Variants in PLOD2 observed in about 807,000 individuals in gnomAD.
PLOD2 encodes procollagen-lysine,2-oxoglutarate 5-dioxygenase 2, also known as lysine hydroxylase 2.
Under a neutral mutation model 101.0 loss-of-function variants are expected in PLOD2, and 65 were observed. The observed-to-expected ratio is 0.64, with a 90% CI of 0.53 to 0.79. The LOEUF is 0.79. Among genes scored for constraint, PLOD2 ranks in the 30% least tolerant of loss-of-function variants. PLOD2 has a pLI of 0.00. For missense variants in PLOD2, 909 were observed against 914.6 expected, an observed-to-expected ratio of 0.99 and a Z score of 0.08; for synonymous variants, 314 against 302.9, an observed-to-expected ratio of 1.04 and a Z score of -0.38.
In PLOD2 at chr3:146,094,026, G is replaced by A. The variant is rs960326000; in HGVS notation, c.778-2125C>T. Among the ~76,000 whole-genome samples, 4 of 152,236 alleles carry A rather than the reference G, an allele frequency of 2.6e-5. No individual in the cohort carries two copies. The South Asian group carries it at 8.3e-4, about 32-fold the overall frequency. On this transcript the variant is annotated intron_variant, in intron 7 of 19. Coordinates refer to ENST00000282903, the MANE Select transcript of PLOD2 (RefSeq NM_182943.3). ...CCATCACCACCCCCCATTTACATCT[G>A]TTTTCCTCATGAAAACTAGAGACAT...
chr3:146,088,809 G>C, intron 8 of PLOD2, 98 bp from the exon 9 acceptor site: 1 of 1,022,052 alleles, frequency 9.8e-7, no homozygotes, highest in East Asian at 2.6e-5. Flanking sequence ...AAAAATACTA[G>C]AATATCAATT....
chr3:146,130,705 T>C (rs2030859034), intron 1 of PLOD2, among the ~76,000 whole-genome samples: 1 of 152,222 alleles, frequency 6.6e-6, no homozygotes, highest in South Asian at 2.1e-4. Context: ...CAAAGTCACC[T>C]AACAAATTAC....
intron 11 of PLOD2, among the ~76,000 whole-genome samples, chr3:146,083,569 GTCTTTT>G (rs1379946036): frequency 1.2e-5 from 1 of 83,730 alleles, no homozygotes; most frequent in Non-Finnish European, 2.4e-5. Flanking sequence ...TGGCAGGTAA[GTCTTTT>G]TCTTTTTTTT....
intron 7 of PLOD2, among the ~76,000 whole-genome samples, chr3:146,099,530 G>A (rs1937312631): frequency 6.6e-6 from 1 of 151,884 alleles, no homozygotes; most frequent in Non-Finnish European, 1.5e-5. Context: ...CCAAGTAGCT[G>A]AGATTACAAG....
At chr3:146,072,898 C>CTAAG (rs1157470710) in intron 16 of PLOD2, among the ~76,000 whole-genome samples, 3 of 151,352 alleles carry the variant, frequency 2.0e-5, no homozygotes, top group African/African-American at 7.3e-5. Context: ...GTTTTGAACA[C>CTAAG]TAAGCTAAAA....
intron 16 of PLOD2, among the ~76,000 whole-genome samples, 185 bp from the exon 17 acceptor site, chr3:146,072,850 T>A (rs568816442): frequency 4.6e-5 from 7 of 151,718 alleles, no homozygotes; most frequent in African/African-American, 1.4e-4. Context: ...TCAGAATTGA[T>A]GACATCTTAC....
At chr3:146,090,917 T>C (rs937235431) in intron 8 of PLOD2, among the ~76,000 whole-genome samples, 1 of 151,790 alleles carries the variant, frequency 6.6e-6, no homozygotes, top group Admixed American at 6.6e-5. Flanking sequence ...AAAAAATCAG[T>C]CTTAATGACA....
At chr3:146,125,086 AT>A (rs74421932) in intron 1 of PLOD2, among the ~76,000 whole-genome samples, 3 of 151,236 alleles carry the variant, frequency 2.0e-5, no homozygotes, top group Admixed American at 1.3e-4. Flanking sequence ...GGGCTGGAAC[AT>A]TTTTTTTTAA....
intron 11 of PLOD2, among the ~76,000 whole-genome samples, chr3:146,084,156 T>A (rs146701318): frequency 6.6e-6 from 1 of 152,096 alleles, no homozygotes; most frequent in Admixed American, 6.5e-5. Flanking sequence ...CTATTTCATA[T>A]CTCTAGGGTG....
chr3:146,078,437 G>A (rs1457579099), intron 13 of PLOD2, among the ~76,000 whole-genome samples: 1 of 151,758 alleles, frequency 6.6e-6, no homozygotes, highest in African/African-American at 2.4e-5. Flanking sequence ...TTGGAAATCG[G>A]AAATAAAATA....
chr3:146,139,298 T>C (rs887956904), intron 1 of PLOD2, among the ~76,000 whole-genome samples: 8 of 152,182 alleles, frequency 5.3e-5, no homozygotes, highest in African/African-American at 9.7e-5. Flanking sequence ...AATAAAATTT[T>C]AAGAAAATGT....
At chr3:146,076,218 T>C (rs1936330265) in intron 15 of PLOD2, 1 of 151,850 alleles carries the variant, frequency 6.6e-6, no homozygotes, top group Non-Finnish European at 1.5e-5. Flanking sequence ...TCTGTGCCAT[T>C]AATTCACTTA....
intron 1 of PLOD2, among the ~76,000 whole-genome samples, chr3:146,154,801 G>T (rs2032224630): frequency 6.6e-6 from 1 of 151,988 alleles, no homozygotes. Flanking sequence ...ATCAAGGCCT[G>T]AAAAAAATGC....
Position 146,112,863 on chromosome 3 carries a change from AAC to A in PLOD2, c.339-2417_339-2416del, listed in dbSNP as rs869147740. 2.7e-3 allele frequency among the ~76,000 whole-genome samples: 399 copies of A among 147,488 alleles called. 12 individuals are homozygous for A. The highest frequency in any genetic ancestry group is 7.3e-3 in the African/African-American group (291 of 39,766). On this transcript the variant is annotated intron_variant, in intron 3 of 19. Transcript: ENST00000282903. ...AGACTTGGTCTCAAAAAAAAAAAAA[AAC>A]AAAACTCTAGATGATGGGGTAATAG...
Position 146,091,811 on chromosome 3 carries a change from A to G in PLOD2, c.868T>C (p.Ser290Pro). ...TCAATTCCACTTACATCTACTGCAG[A>G]CAAGTCGACTGTATCGAATTCACAA... ...TLCEFDTVDL[S>P]AVDVHPNVSI... Residue 290 changes from serine (S) to proline (P), a missense_variant, in exon 8 of 20, where the codon TCT (serine) becomes CCT (proline). Ser to Pro is a moderately conservative substitution (Grantham distance 74). Transcript: ENST00000282903. The G allele has an allele frequency of 1.9e-6, 3 of 1,573,794 alleles. No individual in the cohort carries two copies. Among genetic ancestry groups the G allele is most frequent in the Non-Finnish European group, 2.6e-6 (3 of 1,143,514 alleles).
intron 6 of PLOD2, among the ~76,000 whole-genome samples, 197 bp downstream of exon 6, chr3:146,104,082 C>G (rs1018994631): frequency 1.3e-5 from 2 of 152,176 alleles, no homozygotes; most frequent in African/African-American, 4.8e-5. Flanking sequence ...CTTTTTCACA[C>G]TAGTCATAGG....
intron 1 of PLOD2, among the ~76,000 whole-genome samples, chr3:146,157,677 A>G (rs1326556703): frequency 2.6e-5 from 4 of 152,220 alleles, no homozygotes; most frequent in Non-Finnish European, 5.9e-5. Context: ...AGGGTAGCTC[A>G]ATTTAATTTT....
chr3:146,124,692 G>A (rs1283542605), intron 1 of PLOD2, among the ~76,000 whole-genome samples: 6 of 151,948 alleles, frequency 3.9e-5, no homozygotes, highest in African/African-American at 1.4e-4. Flanking sequence ...CATTAAATCT[G>A]ATTCTAATTT....
intron 1 of PLOD2, among the ~76,000 whole-genome samples, chr3:146,146,295 A>C (rs2031771968): frequency 6.6e-6 from 1 of 152,220 alleles, no homozygotes; most frequent in African/African-American, 2.4e-5. Context: ...CAAATATTAA[A>C]GGTGCATTTC....
Sources: allele counts gnomAD v4.1 joint callset (sites outside exome capture counted in the v4.1 genomes callset), GRCh38; gene constraint gnomAD v4.1.1; transcripts MANE v1.5; gene names NCBI Gene and HGNC (gene_info 2026-07-23, HGNC 2026-07-21).